The following INO80D variants were observed in gnomAD, a reference collection of about 807,000 sequenced individuals.
INO80D encodes the protein INO80 complex subunit D.
A neutral mutation model predicts 87.6 loss-of-function variants in INO80D; 21 were observed. The ratio of observed to expected loss-of-function variants is 0.24; its 90% confidence interval spans 0.17 to 0.35. The LOEUF (loss-of-function observed/expected upper bound fraction) is 0.35. Ranked by LOEUF, INO80D falls within the 10% of genes least tolerant of loss-of-function variation. INO80D has a pLI of 1.00. For missense variants in INO80D, 982 were observed against 1,280.7 expected, an observed-to-expected ratio of 0.77 and a Z score of 3.56; for synonymous variants, 440 against 491.0, an observed-to-expected ratio of 0.90 and a Z score of 1.37.
intron 6 of INO80D, among the ~76,000 whole-genome samples, chr2:206,024,440 C>T (rs910830385): frequency 6.6e-6 from 1 of 151,786 alleles, no homozygotes; most frequent in African/African-American, 2.4e-5. Flanking sequence ...TGTTCTAGAA[C>T]AGATACTAGA....
rs201357249 is a variant in INO80D, at chr2:206,005,046, C to T, written c.2406G>A (p.Leu802=). Residue 802 remains leucine (L), a synonymous_variant, in exon 11 of 11, where the codon CTG becomes CTA. Coordinates refer to ENST00000403263, the MANE Select transcript of INO80D (RefSeq NM_017759.5). ...TGATTAGGTCATCTGCCTTGCTCAG[C>T]AGCTGGGCAGGATGTGGCCTCTGGG... ...HASQRPHPAQ[L]LSKADDLITS... The T allele has an allele frequency of 3.4e-3, 5,546 of 1,613,932 alleles. 200 individuals carry two copies. In the South Asian group the frequency reaches 0.057, roughly 17 times the overall value.
rs1445320631 is a variant in INO80D, at chr2:205,994,928, C to A, written c.*9440G>T. 1 of 151,334 alleles carries A rather than the reference C, an allele frequency of 6.6e-6. No homozygotes were observed. The highest frequency in any genetic ancestry group is 2.4e-5 in the African/African-American group (1 of 41,190). 9.4% of individuals were successfully genotyped at this position (151,334 alleles called of 1,614,324 possible). On this transcript the variant is annotated 3_prime_UTR_variant, in exon 11 of 11. Coordinates refer to ENST00000403263, the MANE Select transcript of INO80D (RefSeq NM_017759.5). ...GAAAGAAAAAAGAGTTTGGGAGGGC[C>A]CTTAACTAAAATGTGCTTAAGACAG...
chr2:206,003,349 C>T lies in INO80D; in HGVS notation c.*1019G>A, dbSNP rs1687938461. On this transcript the variant is annotated 3_prime_UTR_variant, in exon 11 of 11. Transcript: ENST00000403263. ...ATCCCATCTTTTCAAATCTATCTGA[C>T]CTATCCTGCTTTTTCACATCAAAAT... The T allele has an allele frequency of 6.6e-6, 1 of 152,166 alleles. No individual in the cohort carries two copies. 9.4% of individuals were successfully genotyped at this position (152,166 alleles called of 1,614,324 possible).
chr2:206,048,095 T>G (rs1029266390), intron 4 of INO80D, among the ~76,000 whole-genome samples: 1 of 152,110 alleles, frequency 6.6e-6, no homozygotes, highest in African/African-American at 2.4e-5. Context: ...GACCTTGTGA[T>G]CCACCCGCCT....
intron 8 of INO80D, among the ~76,000 whole-genome samples, chr2:206,016,104 C>T (rs755921685): frequency 7.2e-5 from 11 of 152,154 alleles, no homozygotes; most frequent in Non-Finnish European, 1.3e-4. Context: ...ACAGCTTGCA[C>T]CATGCACCTG....
Position 206,046,575 on chromosome 2 carries a change from C to T in INO80D, c.1002G>A (p.Glu334=), listed in dbSNP as rs913308338. 1.2e-6 allele frequency: 2 copies of T among 1,613,846 alleles called. No homozygotes were observed. Among genetic ancestry groups the T allele is most frequent in the African/African-American group, 1.3e-5 (1 of 74,944 alleles). ...GGTAGGGCGAGGCCTGCTCTGAGTC[C>T]TCTGGTTCCTCTCCGCTCTCTTCAG... is the stretch of plus-strand genomic sequence containing the variant. The part of the protein sequence containing the change: ...DWSEESGEEP[E]DSEQASPYQV... The change falls in exon 5 of 11, where the codon GAG becomes GAA. Residue 334 remains glutamate (E), a synonymous_variant. Transcript: ENST00000403263.
chr2:206,024,338 C>T (rs1199696003), intron 6 of INO80D, among the ~76,000 whole-genome samples: 1 of 152,036 alleles, frequency 6.6e-6, no homozygotes, highest in Non-Finnish European at 1.5e-5. Flanking sequence ...GCACAGTAGG[C>T]ATACACAGTA....
chr2:206,046,685 C>T, intron 4 of INO80D, 73 bp from the exon 5 acceptor site: 1 of 955,026 alleles, frequency 1.0e-6, no homozygotes, highest in Non-Finnish European at 1.7e-6. Context: ...AAAAGCTACA[C>T]AAAATAACAT....
At chr2:206,078,233 C>G (rs1690176857) in intron 1 of INO80D, among the ~76,000 whole-genome samples, 1 of 151,828 alleles carries the variant, frequency 6.6e-6, no homozygotes, top group Non-Finnish European at 1.5e-5. Context: ...GCCTGGCCAA[C>G]ATGGCGAAAC....
intron 4 of INO80D, among the ~76,000 whole-genome samples, chr2:206,047,972 T>A (rs1045682066): frequency 6.6e-6 from 1 of 151,036 alleles, no homozygotes; most frequent in African/African-American, 2.4e-5. Flanking sequence ...TGCCTCAGCC[T>A]CCCGAGTAGC....
At chr2:206,029,044 C>A (rs907808987) in intron 5 of INO80D, among the ~76,000 whole-genome samples, 1 of 151,954 alleles carries the variant, frequency 6.6e-6, no homozygotes, top group South Asian at 2.1e-4. Context: ...TCTGCCACCA[C>A]GCCTGGCTAA....
chr2:206,001,696 A>G lies in INO80D; in HGVS notation c.*2672T>C, dbSNP rs559948932. 5.3e-5 allele frequency: 8 copies of G among 152,306 alleles called. No homozygotes were observed. The highest frequency in any genetic ancestry group is 1.9e-4 in the African/African-American group (8 of 41,574). 9.4% of individuals were successfully genotyped at this position (152,306 alleles called of 1,614,324 possible). A position where few individuals can be genotyped will look rare whatever the true frequency, so the allele number is the denominator to read the frequency against. ...ATGTTCTCCTCTCTTCCAAAAAGGG[A>G]CTCATAAGAAACAGCAAGAGCAAAG... On this transcript the variant is annotated 3_prime_UTR_variant, in exon 11 of 11. Coordinates refer to ENST00000403263, the MANE Select transcript of INO80D (RefSeq NM_017759.5).
chr2:206,006,682 CAAA>C (rs141777082), intron 10 of INO80D, among the ~76,000 whole-genome samples: 3 of 97,122 alleles, frequency 3.1e-5, no homozygotes, highest in Non-Finnish European at 2.2e-5. Flanking sequence ...GACTCCATCT[CAAA>C]AAAAAAAAAA....
chr2:206,046,089 TA>T (rs1689186268), intron 5 of INO80D, among the ~76,000 whole-genome samples: 1 of 152,222 alleles, frequency 6.6e-6, no homozygotes, highest in Admixed American at 6.5e-5. Flanking sequence ...ACAAACAATA[TA>T]GTACATTTAC....
intron 5 of INO80D, among the ~76,000 whole-genome samples, chr2:206,029,430 T>C (rs183196574): frequency 6.6e-6 from 1 of 152,324 alleles, no homozygotes; most frequent in East Asian, 1.9e-4. Flanking sequence ...GTGATCTTAC[T>C]TTTTACCGTT....
At chr2:206,081,343 A>G (rs891996835) in intron 1 of INO80D, among the ~76,000 whole-genome samples, 2 of 152,194 alleles carry the variant, frequency 1.3e-5, no homozygotes, top group African/African-American at 4.8e-5. Context: ...AGTGGGAAAA[A>G]CAGGTCTACT....
intron 5 of INO80D, among the ~76,000 whole-genome samples, chr2:206,029,331 G>A (rs1575820856): frequency 6.6e-6 from 1 of 152,208 alleles, no homozygotes; most frequent in South Asian, 2.1e-4. Flanking sequence ...TGATGCTGAA[G>A]GAACATCTAA....
chr2:205,999,915 G>A lies in INO80D; in HGVS notation c.*4453C>T, dbSNP rs1181620601. 1 of 152,094 alleles carries A rather than the reference G, an allele frequency of 6.6e-6. No homozygotes were observed. The highest frequency in any genetic ancestry group is 1.9e-4 in the East Asian group (1 of 5,190). The allele number at this position is 152,094 out of a possible 1,614,324, so 9.4% of individuals were successfully genotyped here. Reference sequence around the variant, plus strand: ...TCTACAGAATGCCAGTGAAGATTCAGTTAATGTATTGGGCGGGGGGAAACA... The same window carrying A: ...TCTACAGAATGCCAGTGAAGATTCAATTAATGTATTGGGCGGGGGGAAACA... On this transcript the variant is annotated 3_prime_UTR_variant, in exon 11 of 11. Coordinates refer to ENST00000403263, the MANE Select transcript of INO80D (RefSeq NM_017759.5).
In INO80D at chr2:206,019,632, C is replaced by T. The variant is rs141138059; in HGVS notation, c.1408+104G>A. 445 of 704,928 alleles carry T rather than the reference C, an allele frequency of 6.3e-4. 1 individual carries two copies. In the African/African-American group the frequency reaches 7.4e-3, roughly 12 times the overall value. 43.7% of individuals were successfully genotyped at this position (704,928 alleles called of 1,614,324 possible). On this transcript the variant is annotated intron_variant, in intron 7 of 10. Transcript: ENST00000403263. ...CGATAAAATTATTTTAAACATTAAACAGTTATGGTTTCAAAAGTCATTCAC... is the reference window on the plus strand; with the variant it reads ...CGATAAAATTATTTTAAACATTAAATAGTTATGGTTTCAAAAGTCATTCAC...
Sources: allele counts gnomAD v4.1 joint callset (sites outside exome capture counted in the v4.1 genomes callset), GRCh38; gene constraint gnomAD v4.1.1; transcripts MANE v1.5; gene names NCBI Gene and HGNC (gene_info 2026-07-23, HGNC 2026-07-21).